The following PDE4D variants were observed in gnomAD, a reference collection of about 807,000 sequenced individuals.
PDE4D encodes 3',5'-cyclic-AMP phosphodiesterase 4D.
In PDE4D, 24 loss-of-function variants were observed where a neutral mutation model predicts 87.4. The ratio of observed to expected loss-of-function variants is 0.27; its 90% CI spans 0.20 to 0.39. PDE4D has a LOEUF of 0.39. Among genes scored for constraint, PDE4D ranks in the 10% least tolerant of loss-of-function variants. PDE4D has a pLI of 1.00. For missense variants in PDE4D, 714 were observed against 1,041.0 expected, an observed-to-expected ratio of 0.69 and a Z score of 4.32; for synonymous variants, 384 against 383.2, an observed-to-expected ratio of 1.00 and a Z score of -0.02.
intron 3 of PDE4D, among the ~76,000 whole-genome samples, chr5:59,970,326 G>A (rs1387848225): frequency 6.6e-6 from 1 of 152,012 alleles, no homozygotes; most frequent in Non-Finnish European, 1.5e-5. Flanking sequence ...AACACCAAAA[G>A]CAATGGCAAC....
At chr5:60,441,068 A>T (rs1320739136) in intron 1 of PDE4D, among the ~76,000 whole-genome samples, 1 of 152,108 alleles carries the variant, frequency 6.6e-6, no homozygotes, top group Non-Finnish European at 1.5e-5. Context: ...AATATCCTAG[A>T]GAAGAAACAA....
intron 1 of PDE4D, among the ~76,000 whole-genome samples, chr5:59,720,092 T>C: frequency 6.6e-6 from 1 of 152,232 alleles, no homozygotes; most frequent in East Asian, 1.9e-4. Context: ...CATTCATTCA[T>C]TTGCATTTTC....
chr5:60,344,987 T>C (rs1434655542), intron 1 of PDE4D, among the ~76,000 whole-genome samples: 1 of 152,032 alleles, frequency 6.6e-6, no homozygotes, highest in Admixed American at 6.6e-5. Context: ...TATTTATTAA[T>C]ACTTTGACTT....
intron 1 of PDE4D, among the ~76,000 whole-genome samples, chr5:60,372,337 G>A (rs148458556): frequency 1.1e-4 from 16 of 152,326 alleles, no homozygotes; most frequent in Admixed American, 2.0e-4. Flanking sequence ...GAGGAAAGAA[G>A]CAAGGGTCTG....
chr5:60,294,695 C>A (rs903471201), intron 1 of PDE4D, among the ~76,000 whole-genome samples: 2 of 151,880 alleles, frequency 1.3e-5, no homozygotes, highest in African/African-American at 4.8e-5. Context: ...TTTCTGGACT[C>A]TTTTATTTCC....
chr5:59,629,471 CAG>C (rs759173987), intron 1 of PDE4D, among the ~76,000 whole-genome samples: 60 of 151,990 alleles, frequency 3.9e-4, no homozygotes, highest in Non-Finnish European at 3.8e-4. Context: ...AATGTGGACA[CAG>C]AGACATGTAC....
intron 1 of PDE4D, among the ~76,000 whole-genome samples, chr5:59,778,474 A>C (rs1764292487): frequency 6.6e-6 from 1 of 152,254 alleles, no homozygotes; most frequent in Admixed American, 6.5e-5. Flanking sequence ...AATACATATG[A>C]ATATTACACC....
intron 1 of PDE4D, among the ~76,000 whole-genome samples, chr5:59,219,696 G>T (rs1056252473): frequency 2.6e-5 from 4 of 152,068 alleles, no homozygotes; most frequent in African/African-American, 9.7e-5. Flanking sequence ...AATAAAAGCA[G>T]CAAAACAGGT....
chr5:59,411,296 A>C (rs555552327), intron 1 of PDE4D, among the ~76,000 whole-genome samples: 1 of 152,196 alleles, frequency 6.6e-6, no homozygotes, highest in South Asian at 2.1e-4. Flanking sequence ...TGGTCCTCTC[A>C]CATCTCTAGT....
At chr5:59,072,403 CAG>C (rs1764997341) in intron 5 of PDE4D, among the ~76,000 whole-genome samples, 1 of 152,144 alleles carries the variant, frequency 6.6e-6, no homozygotes, top group South Asian at 2.1e-4. Context: ...CAGTGGTAAA[CAG>C]AATTTAAAAA....
At chr5:59,083,952 A>G (rs1320609041) in intron 5 of PDE4D, among the ~76,000 whole-genome samples, 1 of 152,118 alleles carries the variant, frequency 6.6e-6, no homozygotes, top group East Asian at 1.9e-4. Context: ...GCTTATAAGC[A>G]ACTTAATGCA....
At chr5:59,715,177 AC>A (rs1754818763) in intron 1 of PDE4D, among the ~76,000 whole-genome samples, 1 of 152,174 alleles carries the variant, frequency 6.6e-6, no homozygotes, top group African/African-American at 2.4e-5. Flanking sequence ...ATTGATAACA[AC>A]CCCCCGGACT....
chr5:60,479,938 T>C, intron 1 of PDE4D, among the ~76,000 whole-genome samples: 1 of 152,178 alleles, frequency 6.6e-6, no homozygotes, highest in Non-Finnish European at 1.5e-5. Flanking sequence ...ATTTTCTTGC[T>C]TACAGCCTAT....
At chr5:60,522,035 C>CA in intron 1 of PDE4D, 1 of 152,098 alleles carries the variant, frequency 6.6e-6, no homozygotes, top group Admixed American at 6.5e-5. Flanking sequence ...ACAAACACCT[C>CA]AGACCATTAA....
intron 3 of PDE4D, among the ~76,000 whole-genome samples, chr5:59,914,035 A>G (rs950835677): frequency 2.0e-5 from 3 of 152,034 alleles, no homozygotes; most frequent in Admixed American, 2.0e-4. Flanking sequence ...GAATATGTAC[A>G]TTTCTCTACA....
At chr5:59,790,083 C>T (rs1329246831) in intron 1 of PDE4D, among the ~76,000 whole-genome samples, 2 of 152,128 alleles carry the variant, frequency 1.3e-5, no homozygotes, top group Non-Finnish European at 2.9e-5. Flanking sequence ...CACACAGAGC[C>T]TGGAGAGCTA....
At chr5:59,285,505 T>C (rs191018642) in intron 1 of PDE4D, among the ~76,000 whole-genome samples, 1 of 149,646 alleles carries the variant, frequency 6.7e-6, no homozygotes, top group Admixed American at 6.7e-5. Flanking sequence ...CCTACAATAG[T>C]GTTATAATTA....
intron 3 of PDE4D, among the ~76,000 whole-genome samples, chr5:59,954,617 C>T (rs561101672): frequency 6.6e-6 from 1 of 152,134 alleles, no homozygotes; most frequent in African/African-American, 2.4e-5. Flanking sequence ...AGAATTCATT[C>T]TTATTCTCAA....
chr5:59,756,834 G>C (rs1403208184), intron 1 of PDE4D, among the ~76,000 whole-genome samples: 1 of 121,138 alleles, frequency 8.3e-6, no homozygotes, highest in Non-Finnish European at 1.7e-5. Context: ...TTTTTGAAAT[G>C]GTATCTCCTC....
Sources: gnomAD v4.1 joint callset for allele counts (sites outside exome capture counted in the v4.1 genomes callset) on GRCh38, gnomAD v4.1.1 for gene constraint, MANE v1.5 for transcripts, NCBI Gene and HGNC (gene_info 2026-07-23, HGNC 2026-07-21) for gene names.